The following HCN1 variants were observed in gnomAD, a reference collection of about 807,000 sequenced individuals.
The protein encoded by HCN1 is hyperpolarization activated cyclic nucleotide gated potassium channel 1.
A neutral mutation model predicts 78.9 loss-of-function variants in HCN1; 13 were observed. The ratio of observed to expected loss-of-function variants is 0.16; its 90% CI spans 0.11 to 0.26. The LOEUF is 0.26. HCN1 is among the 10% of genes least tolerant of loss of function. The probability of loss-of-function intolerance (pLI) is 1.00; values close to 1 mark genes in which losing one functional copy is unlikely to be tolerated. For missense variants in HCN1, 810 were observed against 1,154.3 expected, an observed-to-expected ratio of 0.70 and a Z score of 4.32; for synonymous variants, 552 against 455.5, an observed-to-expected ratio of 1.21 and a Z score of -2.70.
chr5:45,368,239 T>C lies in HCN1; in HGVS notation c.1231-14993A>G, dbSNP rs150502508. On this transcript the variant is annotated intron_variant, in intron 4 of 7. Coordinates refer to ENST00000303230, the MANE Select transcript of HCN1 (RefSeq NM_021072.4). The stretch of plus-strand genomic sequence containing the variant: ...GAGGCTGCAAGATAATGACACTAAT[T>C]TGATCTTTTCTTCTATTTTCGCCAT... Among the ~76,000 whole-genome samples the C allele has an allele frequency of 3.0e-3, 453 of 152,146 alleles. 2 individuals carry two copies. The highest frequency in any genetic ancestry group is 0.01 in the African/African-American group (429 of 41,550).
intron 6 of HCN1, among the ~76,000 whole-genome samples, chr5:45,299,654 C>T (rs1412169992): frequency 6.6e-6 from 1 of 151,802 alleles, no homozygotes; most frequent in Non-Finnish European, 1.5e-5. Context: ...AAATAGAAAA[C>T]CTGAGTATTT....
intron 2 of HCN1, among the ~76,000 whole-genome samples, chr5:45,607,548 T>A (rs184678077): frequency 6.7e-6 from 1 of 150,090 alleles, no homozygotes; most frequent in Non-Finnish European, 1.5e-5. Flanking sequence ...CTAAATGATA[T>A]TGGGATATAG....
At chr5:45,685,494 A>C (rs1739787244) in intron 1 of HCN1, among the ~76,000 whole-genome samples, 1 of 152,192 alleles carries the variant, frequency 6.6e-6, no homozygotes, top group Non-Finnish European at 1.5e-5. Flanking sequence ...CGGGCGGATC[A>C]CCCAAGGTCA....
chr5:45,336,569 C>T (rs1030345017), intron 5 of HCN1, among the ~76,000 whole-genome samples: 1 of 151,998 alleles, frequency 6.6e-6, no homozygotes, highest in Non-Finnish European at 1.5e-5. Context: ...TAGGTTTGGA[C>T]AGGGGAACTT....
chr5:45,546,949 C>A (rs1027616382), intron 2 of HCN1, among the ~76,000 whole-genome samples: 1 of 151,846 alleles, frequency 6.6e-6, no homozygotes, highest in African/African-American at 2.4e-5. Context: ...CAGTCCGCAT[C>A]GTCTTAGTTT....
chr5:45,458,422 G>A (rs150412829), intron 3 of HCN1, among the ~76,000 whole-genome samples: 3 of 152,012 alleles, frequency 2.0e-5, no homozygotes, highest in Non-Finnish European at 4.4e-5. Context: ...CAAGAAAGAC[G>A]AGTGCATTCC....
chr5:45,370,328 C>G (rs1747327336), intron 4 of HCN1, among the ~76,000 whole-genome samples: 1 of 151,852 alleles, frequency 6.6e-6, no homozygotes, highest in African/African-American at 2.4e-5. Flanking sequence ...TAGGTACTCC[C>G]TATTTTCCTG....
chr5:45,388,460 C>T lies in HCN1; in HGVS notation c.1230+8032G>A, dbSNP rs539300339. Among the ~76,000 whole-genome samples the T allele has an allele frequency of 1.1e-3, 162 of 152,256 alleles. 1 individual carries two copies. Among genetic ancestry groups the T allele is most frequent in the African/African-American group, 3.8e-3 (158 of 41,558 alleles). On this transcript the variant is annotated intron_variant, in intron 4 of 7. Transcript: ENST00000303230. ...TCCTGCACAGCTTCAAACATGCAGA[C>T]AAGAACAATACCCTAGGGTGGTGCT... is the stretch of plus-strand genomic sequence containing the variant.
chr5:45,528,334 T>C (rs1377457933), intron 2 of HCN1, among the ~76,000 whole-genome samples: 1 of 151,994 alleles, frequency 6.6e-6, no homozygotes, highest in Non-Finnish European at 1.5e-5. Context: ...ATATTTCATA[T>C]ATTTAGTGTT....
intron 4 of HCN1, among the ~76,000 whole-genome samples, chr5:45,370,671 T>C (rs1287368396): frequency 1.3e-5 from 2 of 152,130 alleles, no homozygotes; most frequent in East Asian, 1.9e-4. Flanking sequence ...TGTGTGCTTA[T>C]TTATTCTTTT....
chr5:45,281,525 A>G (rs58713827), intron 6 of HCN1, among the ~76,000 whole-genome samples: 41,182 of 150,632 alleles, frequency 0.27, 6,849 homozygotes, highest in African/African-American at 0.47. Context: ...ATATGTGCAG[A>G]CAAAAAAGTA....
intron 2 of HCN1, among the ~76,000 whole-genome samples, chr5:45,466,156 A>G (rs1741266555): frequency 6.6e-6 from 1 of 152,206 alleles, no homozygotes; most frequent in African/African-American, 2.4e-5. Context: ...ACTGCACTAT[A>G]CAACAGATAT....
At chr5:45,542,858 A>G (rs1029801129) in intron 2 of HCN1, among the ~76,000 whole-genome samples, 1 of 152,200 alleles carries the variant, frequency 6.6e-6, no homozygotes, top group African/African-American at 2.4e-5. Flanking sequence ...TGTTCAAGCA[A>G]TTGGAGACTT....
At chr5:45,494,384 T>G (rs1311175519) in intron 2 of HCN1, among the ~76,000 whole-genome samples, 2 of 152,212 alleles carry the variant, frequency 1.3e-5, no homozygotes, top group African/African-American at 4.8e-5. Context: ...GTTTTTTGGC[T>G]GCATAAATGT....
rs921078079 is a variant in HCN1, at chr5:45,255,924, A to G, written c.*5997T>C. ...TAAAAAAAAAAGTCTGAATAACTCT[A>G]CGTTACCTGAATTCAATTATATAAT... On this transcript the variant is annotated 3_prime_UTR_variant, in exon 8 of 8. Coordinates refer to ENST00000303230, the MANE Select transcript of HCN1 (RefSeq NM_021072.4). 6.6e-6 allele frequency: 1 copy of G among 152,146 alleles called. No homozygotes were observed. The highest frequency in any genetic ancestry group is 1.5e-5 in the Non-Finnish European group (1 of 68,018). The allele number at this position is 152,146 out of a possible 1,614,324, so 9.4% of individuals were successfully genotyped here.
rs1350038804 is a variant in HCN1 at position 45,258,355 on chromosome 5, TC to T, written c.*3565del. On this transcript the variant is annotated 3_prime_UTR_variant, in exon 8 of 8. Coordinates refer to ENST00000303230, the MANE Select transcript of HCN1 (RefSeq NM_021072.4). ...TAACTTGACTATGTACTTTGTAGTGTCCTGAAAATAGTATGCTCAGTTAAGT... is the reference window on the plus strand; with the variant it reads ...TAACTTGACTATGTACTTTGTAGTGTCTGAAAATAGTATGCTCAGTTAAGT... 6.6e-6 allele frequency: 1 copy of T among 152,164 alleles called. No individual in the cohort carries two copies. The highest frequency in any genetic ancestry group is 1.5e-5 in the Non-Finnish European group (1 of 67,996). The allele number at this position is 152,164 out of a possible 1,614,324, so 9.4% of individuals were successfully genotyped here.
chr5:45,349,217 A>T (rs1438034461), intron 5 of HCN1, among the ~76,000 whole-genome samples: 1 of 152,140 alleles, frequency 6.6e-6, no homozygotes, highest in Non-Finnish European at 1.5e-5. Context: ...GGATTAAGAA[A>T]CTCACTCAAA....
chr5:45,622,248 T>C (rs925397167), intron 2 of HCN1, among the ~76,000 whole-genome samples: 2 of 151,764 alleles, frequency 1.3e-5, no homozygotes, highest in Non-Finnish European at 2.9e-5. Flanking sequence ...CTAAACTTTC[T>C]AAAAAGAAAA....
chr5:45,349,675 A>G (rs1746841900), intron 5 of HCN1, among the ~76,000 whole-genome samples: 1 of 152,190 alleles, frequency 6.6e-6, no homozygotes, highest in African/African-American at 2.4e-5. Context: ...GATGCAACAA[A>G]AAATGATAAA....
Sources: allele counts gnomAD v4.1 joint callset (sites outside exome capture counted in the v4.1 genomes callset), GRCh38; gene constraint gnomAD v4.1.1; transcripts MANE v1.5; gene names NCBI Gene and HGNC (gene_info 2026-07-23, HGNC 2026-07-21).